The following TMEM182 variants were observed in gnomAD, a reference collection of about 807,000 sequenced individuals.
TMEM182 encodes the protein transmembrane protein 182.
In TMEM182, 20 loss-of-function variants were observed where a neutral mutation model predicts 26.8. The observed-to-expected ratio is 0.75, with a 90% confidence interval of 0.53 to 1.09. The LOEUF is 1.09. Among genes scored for constraint, TMEM182 ranks in the 50% least tolerant of loss-of-function variants. TMEM182 has a pLI of 0.00. For missense variants in TMEM182, 277 were observed against 275.5 expected (o/e 1.01, Z -0.04); for synonymous variants, 109 against 102.2 (o/e 1.07, Z -0.40).
At chr2:102,786,043 T>C (rs1681374921) in intron 3 of TMEM182, among the ~76,000 whole-genome samples, 1 of 31,122 alleles carries the variant, frequency 3.2e-5, no homozygotes, top group Admixed American at 2.8e-4. Context: ...GTAGATTGAT[T>C]TTTTTTTTTT....
upstream of TMEM182, among the ~76,000 whole-genome samples, chr2:102,760,658 A>G (rs142699923): frequency 0.14 from 20,628 of 151,852 alleles, 1,715 homozygotes; most frequent in East Asian, 0.2. Flanking sequence ...CTTGTTGCCC[A>G]GGCTGGAGTG....
intron 4 of TMEM182, among the ~76,000 whole-genome samples, chr2:102,798,383 G>A (rs900902650): frequency 6.6e-6 from 1 of 152,152 alleles, no homozygotes; most frequent in Non-Finnish European, 1.5e-5. Flanking sequence ...TGTAAATGGG[G>A]ATCGTAACAT....
In TMEM182 at chr2:102,815,296, G is replaced by T. The variant is rs1682703782; in HGVS notation, c.*328G>T. 2.0e-6 allele frequency: 2 copies of T among 1,025,218 alleles called. No homozygotes were observed. Among genetic ancestry groups the T allele is most frequent in the Non-Finnish European group, 2.3e-6 (2 of 856,750 alleles). The allele number at this position is 1,025,218 out of a possible 1,614,324, so 63.5% of individuals were successfully genotyped here. A position where few individuals can be genotyped will look rare whatever the true frequency, so the allele number is the denominator to read the frequency against. On this transcript the variant is annotated 3_prime_UTR_variant, in exon 5 of 5. Coordinates refer to ENST00000412401, the MANE Select transcript of TMEM182 (RefSeq NM_144632.5). Reference sequence around the variant, plus strand: ...AATACCATGACATGGGGAAAATCTCGATAGATTTGGCTTAAAGTCTCCTTG... The same window carrying T: ...AATACCATGACATGGGGAAAATCTCTATAGATTTGGCTTAAAGTCTCCTTG...
intron 3 of TMEM182, among the ~76,000 whole-genome samples, chr2:102,830,127 G>C (rs1201214184): frequency 6.6e-6 from 1 of 152,188 alleles, no homozygotes; most frequent in Non-Finnish European, 1.5e-5. Flanking sequence ...TCATTGGCCT[G>C]CCATTCCTTG....
At chr2:102,805,285 C>T (rs1168077417) in intron 4 of TMEM182, among the ~76,000 whole-genome samples, 1 of 152,118 alleles carries the variant, frequency 6.6e-6, no homozygotes, top group Non-Finnish European at 1.5e-5. Context: ...ATGAGGAAAT[C>T]AAATCCCAAA....
chr2:102,792,039 TATACAC>T (rs981916364), intron 3 of TMEM182, among the ~76,000 whole-genome samples: 2 of 93,084 alleles, frequency 2.1e-5, no homozygotes, highest in African/African-American at 9.4e-5. Flanking sequence ...TATATGTGTG[TATACAC>T]ACACACACAC....
intron 1 of TMEM182, among the ~76,000 whole-genome samples, chr2:102,750,354 T>A (rs1447955760): frequency 1.3e-5 from 2 of 152,360 alleles, no homozygotes; most frequent in Non-Finnish European, 2.9e-5. Flanking sequence ...TAGACCAGCT[T>A]GTATGTGCCT....
At chr2:102,821,915 G>A (rs957894377), downstream of TMEM182, among the ~76,000 whole-genome samples, 4 of 151,340 alleles carry the variant, frequency 2.6e-5, no homozygotes, top group South Asian at 2.1e-4. Flanking sequence ...GTGAACCCGG[G>A]AGGCAGAGCT....
Position 102,814,974 on chromosome 2 carries a change from C to CTG in TMEM182, c.*8_*9dup, listed in dbSNP as rs1194850495. The CTG allele has an allele frequency of 6.2e-7, 1 of 1,613,142 alleles. No individual in the cohort carries two copies. The highest frequency in any genetic ancestry group is 1.3e-5 in the African/African-American group (1 of 74,964). On this transcript the variant is annotated 3_prime_UTR_variant, in exon 5 of 5. Transcript: ENST00000412401. ...ATATTCAGATACATCACTAAATCAA[C>CTG]TGTTGCCACAAGTATTTTCTTGAGA...
At chr2:102,797,774 A>G in intron 3 of TMEM182, 89 bp from the exon 4 acceptor site, 1 of 1,475,660 alleles carries the variant, frequency 6.8e-7, no homozygotes, top group East Asian at 2.3e-5. Context: ...AGAAAAATGA[A>G]GATGAAAGCA....
At chr2:102,745,798 G>T (rs1679677211) in intron 1 of TMEM182, among the ~76,000 whole-genome samples, 1 of 152,126 alleles carries the variant, frequency 6.6e-6, no homozygotes, top group Non-Finnish European at 1.5e-5. Context: ...TTGTAGCATG[G>T]ATTCCCAATA....
At chr2:102,757,569 A>T (rs1416632995), upstream of TMEM182, 1 of 152,160 alleles carries the variant, frequency 6.6e-6, no homozygotes, top group Non-Finnish European at 1.5e-5. Flanking sequence ...GGTGCCTGCC[A>T]CTTGGTAGAG....
At chr2:102,757,357 A>G (rs1453369973), upstream of TMEM182, 2 of 152,186 alleles carry the variant, frequency 1.3e-5, no homozygotes, top group Non-Finnish European at 2.9e-5. Context: ...AGTTGCCTTT[A>G]GTAGTGGGAC....
chr2:102,784,536 C>T (rs1459356119), intron 3 of TMEM182, among the ~76,000 whole-genome samples: 6 of 152,102 alleles, frequency 3.9e-5, no homozygotes, highest in Non-Finnish European at 2.9e-5. Flanking sequence ...ATCCAGACCC[C>T]AAGAGGGGGG....
At chr2:102,776,024 A>T (rs536091474) in intron 3 of TMEM182, among the ~76,000 whole-genome samples, 38 of 152,234 alleles carry the variant, frequency 2.5e-4, no homozygotes, top group African/African-American at 5.5e-4. Context: ...TCAGTTTTTT[A>T]AAAAAAGAAT....
Position 102,815,083 on chromosome 2 carries a change from A to G in TMEM182, c.*115A>G, listed in dbSNP as rs1282121335. 1.4e-6 allele frequency: 2 copies of G among 1,456,732 alleles called. No individual in the cohort carries two copies. Among genetic ancestry groups the G allele is most frequent in the Non-Finnish European group, 1.8e-6 (2 of 1,112,180 alleles). The allele number at this position is 1,456,732 out of a possible 1,614,324, so 90.2% of individuals were successfully genotyped here. A position where few individuals can be genotyped will look rare whatever the true frequency, so the allele number is the denominator to read the frequency against. ...TAGTAGATATAACTTTTTAGTTGCT[A>G]TTCAAATTAATCATTTTACTAAAAT... On this transcript the variant is annotated 3_prime_UTR_variant, in exon 5 of 5. Coordinates refer to ENST00000412401, the MANE Select transcript of TMEM182 (RefSeq NM_144632.5).
intron 3 of TMEM182, among the ~76,000 whole-genome samples, chr2:102,842,957 GGCCATA>G (rs1201784436): frequency 6.6e-6 from 1 of 152,070 alleles, no homozygotes; most frequent in African/African-American, 2.4e-5. Context: ...ACCTCCCCTT[GGCCATA>G]GCTGTTGACA....
intron 3 of TMEM182, among the ~76,000 whole-genome samples, chr2:102,781,640 G>T (rs531805422): frequency 1.2e-4 from 18 of 152,210 alleles, no homozygotes; most frequent in Admixed American, 1.0e-3. Context: ...TGGGCAGCTT[G>T]GGAGGCAGGA....
chr2:102,821,891 G>A (rs1246386343), downstream of TMEM182, among the ~76,000 whole-genome samples: 4 of 151,896 alleles, frequency 2.6e-5, no homozygotes. Context: ...GGGAGGCTGA[G>A]GAAGGAGAAT....
Sources: allele counts gnomAD v4.1 joint callset (sites outside exome capture counted in the v4.1 genomes callset), GRCh38; gene constraint gnomAD v4.1.1; transcripts MANE v1.5; gene names NCBI Gene and HGNC (gene_info 2026-07-23, HGNC 2026-07-21).